GATM: variants seen among roughly 807,000 people sequenced by gnomAD.
GATM encodes glycine amidinotransferase, mitochondrial.
A neutral mutation model predicts 54.2 loss-of-function variants in GATM; 23 were observed. The ratio of observed to expected loss-of-function variants is 0.42; its 90% confidence interval spans 0.31 to 0.60. The LOEUF is 0.60. Among genes scored for constraint, GATM ranks in the 20% least tolerant of loss-of-function variants. The pLI is 0.14. For synonymous variants in GATM, 168 were observed against 183.1 expected (o/e 0.92, Z 0.67); for missense variants, 401 against 544.9 (o/e 0.74, Z 2.63).
chr15:45,377,239 C>T (rs1402095459), intron 1 of GATM: 1 of 487,752 alleles, frequency 2.1e-6, no homozygotes, highest in Admixed American at 2.1e-5. Flanking sequence ...CTCCTTTTCC[C>T]TTAAGTATCA....
intron 2 of GATM, among the ~76,000 whole-genome samples, chr15:45,399,355 T>G (rs1889971496): frequency 6.6e-6 from 1 of 152,216 alleles, no homozygotes; most frequent in Non-Finnish European, 1.5e-5. Context: ...TCCACAAAAT[T>G]CATTTGTTGA....
rs1464936006 is a variant in GATM at position 45,366,250 on chromosome 15, G to C, written c.814-40C>G. The C allele has an allele frequency of 3.1e-6, 5 of 1,611,930 alleles. No homozygotes were observed. In the East Asian group the frequency reaches 8.9e-5, roughly 29 times the overall value. ...AAGACATACGATCGATAAATATTTG[G>C]TTCTATGTCTAGAAAACTAAAAATA... On this transcript the variant is annotated intron_variant, in intron 5 of 8. Transcript: ENST00000396659.
At chr15:45,393,307 T>G (rs1889891440) in intron 3 of GATM, among the ~76,000 whole-genome samples, 1 of 152,194 alleles carries the variant, frequency 6.6e-6, no homozygotes, top group South Asian at 2.1e-4. Context: ...AGTGGAAACT[T>G]TGGAGCCAGC....
At chr15:45,385,815 C>T (rs952218764) in intron 3 of GATM, among the ~76,000 whole-genome samples, 14 of 152,186 alleles carry the variant, frequency 9.2e-5, no homozygotes, top group Non-Finnish European at 1.8e-4. Flanking sequence ...AACAAACATA[C>T]TTAATGAAGT....
intron 3 of GATM, 30 bp downstream of exon 3, chr15:45,369,296 C>G (rs371225607): frequency 6.3e-7 from 1 of 1,590,102 alleles, no homozygotes; most frequent in Non-Finnish European, 8.6e-7. Flanking sequence ...AATTCAGACA[C>G]TGGCAGTTTA....
intron 3 of GATM, among the ~76,000 whole-genome samples, chr15:45,386,025 T>G (rs1482711919): frequency 6.6e-6 from 1 of 152,210 alleles, no homozygotes; most frequent in Non-Finnish European, 1.5e-5. Flanking sequence ...CTTATGTACA[T>G]GTAAAAGTAA....
At chr15:45,384,858 A>C (rs1023996018) in intron 3 of GATM, among the ~76,000 whole-genome samples, 1 of 152,114 alleles carries the variant, frequency 6.6e-6, no homozygotes. Context: ...ACAGATATGC[A>C]TCACTGCCTG....
At chr15:45,399,288 T>C (rs995138257) in intron 2 of GATM, among the ~76,000 whole-genome samples, 1 of 152,198 alleles carries the variant, frequency 6.6e-6, no homozygotes. Flanking sequence ...GCTTGAGGCT[T>C]GTGAAAAATT....
At chr15:45,396,504 GAA>G (rs965803992) in intron 3 of GATM, among the ~76,000 whole-genome samples, 4 of 152,132 alleles carry the variant, frequency 2.6e-5, no homozygotes, top group African/African-American at 9.7e-5. Context: ...GGTAGAAATA[GAA>G]AAGAGTAGAT....
At chr15:45,367,010 T>G (rs1889460825) in intron 4 of GATM, among the ~76,000 whole-genome samples, 1 of 152,136 alleles carries the variant, frequency 6.6e-6, no homozygotes. Context: ...GTCTGGAACA[T>G]ATCCCCTGAG....
chr15:45,365,348 G>A (rs561488614), intron 6 of GATM, among the ~76,000 whole-genome samples: 8 of 152,164 alleles, frequency 5.3e-5, no homozygotes, highest in African/African-American at 9.6e-5. Context: ...CAACTTAGCC[G>A]TCCCTGTGTT....
chr15:45,361,911 T>A lies in GATM; in HGVS notation c.*198A>T. 1 of 586,884 alleles carries A rather than the reference T, an allele frequency of 1.7e-6. No individual in the cohort carries two copies. The allele number at this position is 586,884 out of a possible 1,614,324, so 36.4% of individuals were successfully genotyped here. On this transcript the variant is annotated 3_prime_UTR_variant, in exon 9 of 9. Coordinates refer to ENST00000396659, the MANE Select transcript of GATM (RefSeq NM_001482.3). ...GCCAAATAGTAAATAACTTTAGGAG[T>A]AGAGAGTAATACCTAGCAGAAGTTA...
chr15:45,382,254 A>C (rs1889750145), upstream of GATM, among the ~76,000 whole-genome samples: 6 of 152,280 alleles, frequency 3.9e-5, no homozygotes, highest in South Asian at 1.2e-3. Flanking sequence ...ACCTCCTCTA[A>C]CTTGTGAGCT....
chr15:45,400,183 T>C (rs1339595240), intron 1 of GATM, among the ~76,000 whole-genome samples: 1 of 152,190 alleles, frequency 6.6e-6, no homozygotes, highest in Non-Finnish European at 1.5e-5. Flanking sequence ...GATCCTGCCA[T>C]TGCACTCAAG....
Position 45,364,735 on chromosome 15 carries a change from A to G in GATM, c.1042+62T>C, listed in dbSNP as rs538666974. The G allele has an allele frequency of 2.1e-6, 3 of 1,457,022 alleles. No homozygotes were observed. The African/African-American group carries it at 4.2e-5, about 20-fold the overall frequency. The allele number at this position is 1,457,022 out of a possible 1,614,324, so 90.3% of individuals were successfully genotyped here. A position where few individuals can be genotyped will look rare whatever the true frequency, so the allele number is the denominator to read the frequency against. On this transcript the variant is annotated intron_variant, in intron 7 of 8. Coordinates refer to ENST00000396659, the MANE Select transcript of GATM (RefSeq NM_001482.3). ...TAACATTTGGGCTGCTCTCTATAGG[A>G]GAAAGATCCTTGGTCACTAAAGTAA...
intron 3 of GATM, among the ~76,000 whole-genome samples, chr15:45,390,172 AC>A (rs1294376828): frequency 6.6e-6 from 1 of 151,632 alleles, no homozygotes; most frequent in African/African-American, 2.4e-5. Context: ...ATTTCTAACA[AC>A]CTCCCACGTG....
chr15:45,367,031 C>T (rs1889461240), intron 4 of GATM, among the ~76,000 whole-genome samples: 1 of 152,054 alleles, frequency 6.6e-6, no homozygotes, highest in South Asian at 2.1e-4. Context: ...GATGAAGGGG[C>T]ACTATGTACT....
chr15:45,364,855 A>C lies in GATM; in HGVS notation c.984T>G (p.Asp328Glu). The C allele has an allele frequency of 1.2e-6, 2 of 1,613,950 alleles. No individual in the cohort carries two copies. Among genetic ancestry groups the C allele is most frequent in the Non-Finnish European group, 8.5e-7 (1 of 1,179,884 alleles). ...SNPDRPCHQI[D>E]LFKKAGWTII... ...TAGTCCATCCTGCTTTCTTGAAAAG[A>C]TCAATCTGTAAGACCAAAAAAAACC... Residue 328 changes from aspartate to glutamate, a missense_variant, in exon 7 of 9, where the codon GAT (aspartate) becomes GAG (glutamate). Transcript: ENST00000396659.
intron 1 of GATM, among the ~76,000 whole-genome samples, chr15:45,400,615 A>G (rs907739603): frequency 1.3e-4 from 20 of 152,240 alleles, no homozygotes; most frequent in Non-Finnish European, 2.9e-5. Flanking sequence ...CCTTCTCATC[A>G]TATTCCTAAT....
Sources: gnomAD v4.1 joint callset for allele counts (sites outside exome capture counted in the v4.1 genomes callset) on GRCh38, gnomAD v4.1.1 for gene constraint, MANE v1.5 for transcripts, NCBI Gene and HGNC (gene_info 2026-07-23, HGNC 2026-07-21) for gene names.